Variants in SAMD12 observed in about 807,000 individuals in gnomAD.
SAMD12 encodes the protein sterile alpha motif domain containing 12.
A neutral mutation model predicts 15.0 loss-of-function variants in SAMD12; 9 were observed. That is an observed-to-expected ratio of 0.60 (90% CI 0.36 to 1.05). SAMD12 has a LOEUF of 1.05. Among genes scored for constraint, SAMD12 ranks in the 50% least tolerant of loss-of-function variants. The pLI is 0.01. For missense variants in SAMD12, 230 were observed against 234.2 expected (o/e 0.98, Z 0.12); for synonymous variants, 86 against 90.1 (o/e 0.96, Z 0.25).
chr8:118,387,652 T>C (rs550483959), intron 3 of SAMD12, among the ~76,000 whole-genome samples: 10 of 152,140 alleles, frequency 6.6e-5, no homozygotes, highest in Non-Finnish European at 1.2e-4. Flanking sequence ...AGTTCTGGGA[T>C]ACAAACATAG....
intron 4 of SAMD12, among the ~76,000 whole-genome samples, chr8:118,203,989 A>T (rs773110209): frequency 2.0e-5 from 3 of 151,996 alleles, no homozygotes; most frequent in Non-Finnish European, 4.4e-5. Flanking sequence ...ATAGGCCAAG[A>T]TAAAAACCAA....
At chr8:118,339,758 A>C (rs1198044576) in intron 4 of SAMD12, among the ~76,000 whole-genome samples, 1 of 152,168 alleles carries the variant, frequency 6.6e-6, no homozygotes, top group Non-Finnish European at 1.5e-5. Flanking sequence ...CACTCACTTC[A>C]ACACTGAGAG....
chr8:118,139,552 C>A, the SAMD12 span, among the ~76,000 whole-genome samples: 18 of 152,000 alleles, frequency 1.2e-4, no homozygotes, highest in Non-Finnish European at 1.5e-5. Flanking sequence ...AGATGGGAGT[C>A]TTTCTGTCCT....
Position 118,222,450 on chromosome 8 carries a change from T to C in SAMD12, c.434-24718A>G, listed in dbSNP as rs1812102642. Among the ~76,000 whole-genome samples the C allele has an allele frequency of 2.0e-5, 3 of 152,152 alleles. No individual in the cohort carries two copies. In the South Asian group the frequency reaches 6.2e-4, roughly 32 times the overall value. On this transcript the variant is annotated intron_variant, in intron 4 of 4. Coordinates refer to the SAMD12 transcript ENST00000409003. ...TGGAGATAAGAATCTCTGCCATAAT[T>C]ACCTCAGAATGATTTTATAATAATC...
chr8:118,227,595 T>C (rs1302310495), intron 4 of SAMD12, among the ~76,000 whole-genome samples: 1 of 152,206 alleles, frequency 6.6e-6, no homozygotes, highest in African/African-American at 2.4e-5. Context: ...GGTAAGTCAC[T>C]TTCCTCATTG....
At chr8:118,505,788 G>T (rs1586771004) in intron 2 of SAMD12, among the ~76,000 whole-genome samples, 1 of 152,092 alleles carries the variant, frequency 6.6e-6, no homozygotes, top group African/African-American at 2.4e-5. Context: ...AAAGCAGAAT[G>T]CTTTTTGTGA....
intron 2 of SAMD12, among the ~76,000 whole-genome samples, chr8:118,446,510 T>C (rs1218798269): frequency 1.3e-5 from 2 of 152,210 alleles, no homozygotes; most frequent in Admixed American, 1.3e-4. Flanking sequence ...TTAAAATGAT[T>C]ATTTTTTCTT....
intron 4 of SAMD12, among the ~76,000 whole-genome samples, chr8:118,329,611 C>T (rs755521817): frequency 6.6e-6 from 1 of 152,140 alleles, no homozygotes; most frequent in Non-Finnish European, 1.5e-5. Flanking sequence ...AAACAAAAAA[C>T]GCTTCTACCA....
downstream of SAMD12, among the ~76,000 whole-genome samples, chr8:118,373,491 T>C (rs1046282952): frequency 9.2e-5 from 14 of 152,122 alleles, no homozygotes; most frequent in Non-Finnish European, 1.9e-4. Flanking sequence ...TAAAAAGTCT[T>C]CTTGGATTAG....
At chr8:118,151,948 A>C in the SAMD12 span, among the ~76,000 whole-genome samples, 1 of 152,124 alleles carries the variant, frequency 6.6e-6, no homozygotes, top group African/African-American at 2.4e-5. Context: ...TCTTTGCAAT[A>C]ATGAAATGGA....
At chr8:118,302,403 TAAAAC>T (rs1815097944) in intron 4 of SAMD12, among the ~76,000 whole-genome samples, 1 of 152,280 alleles carries the variant, frequency 6.6e-6, no homozygotes, top group African/African-American at 2.4e-5. Flanking sequence ...CAGAGCTAGA[TAAAAC>T]AAGACCAGGA....
intron 4 of SAMD12, among the ~76,000 whole-genome samples, chr8:118,247,972 C>T (rs1812735441): frequency 6.6e-6 from 1 of 152,122 alleles, no homozygotes; most frequent in Non-Finnish European, 1.5e-5. Flanking sequence ...CATTCATGCT[C>T]AGTCACTATG....
chr8:118,170,826 T>C, the SAMD12 span, among the ~76,000 whole-genome samples: 1 of 152,048 alleles, frequency 6.6e-6, no homozygotes, highest in Non-Finnish European at 1.5e-5. Context: ...AAAAAATAGA[T>C]TGGACTACAC....
intron 4 of SAMD12, among the ~76,000 whole-genome samples, chr8:118,357,214 A>G (rs1263474346): frequency 1.3e-5 from 2 of 152,166 alleles, no homozygotes; most frequent in Non-Finnish European, 2.9e-5. Flanking sequence ...AATGATGTAT[A>G]TTTCAAATTG....
intron 2 of SAMD12, among the ~76,000 whole-genome samples, chr8:118,474,384 C>A (rs1244626606): frequency 1.3e-5 from 2 of 151,618 alleles, no homozygotes; most frequent in East Asian, 1.9e-4. Context: ...AACAATAAAA[C>A]AATTTTTTTT....
intron 1 of SAMD12, among the ~76,000 whole-genome samples, chr8:118,589,057 C>T (rs1366777517): frequency 6.6e-6 from 1 of 152,168 alleles, no homozygotes; most frequent in African/African-American, 2.4e-5. Context: ...AACATGTCCA[C>T]CCCCAGCAAG....
At position 118,272,701 on chromosome 8, in the gene SAMD12, A is replaced by C. The variant is rs184879646; in HGVS notation, c.434-74969T>G. ...TCAAAGTTCCACAGATCTCTAGGCC[A>C]GATGTAAAATACTGCCAGTCCCTTT... is the stretch of plus-strand genomic sequence containing the variant. On this transcript the variant is annotated intron_variant, in intron 4 of 4. Transcript: ENST00000409003. 1.1e-4 allele frequency among the ~76,000 whole-genome samples: 17 copies of C among 152,342 alleles called. 1 individual carries two copies. In the East Asian group the frequency reaches 3.3e-3, roughly 29 times the overall value.
the SAMD12 span, among the ~76,000 whole-genome samples, chr8:118,156,384 T>C: frequency 2.0e-5 from 3 of 152,216 alleles, no homozygotes. Context: ...TGATTTAAGA[T>C]GTTAATGCCA....
At chr8:118,393,255 T>C (rs1820377329) in intron 3 of SAMD12, among the ~76,000 whole-genome samples, 1 of 152,122 alleles carries the variant, frequency 6.6e-6, no homozygotes, top group South Asian at 2.1e-4. Context: ...CTCTGTCATG[T>C]GGGGTGGTAT....
Sources: gnomAD v4.1 joint callset for allele counts (sites outside exome capture counted in the v4.1 genomes callset) on GRCh38, gnomAD v4.1.1 for gene constraint, MANE v1.5 for transcripts, NCBI Gene and HGNC (gene_info 2026-07-23, HGNC 2026-07-21) for gene names.